The following GRAMD4 variants were observed in gnomAD, a reference collection of about 807,000 sequenced individuals.
GRAMD4 encodes the protein GRAM domain-containing protein 4.
Under a neutral mutation model 83.9 loss-of-function variants are expected in GRAMD4, and 25 were observed. That is an observed-to-expected ratio of 0.30 (90% confidence interval 0.22 to 0.42). GRAMD4 has a LOEUF of 0.42. GRAMD4 is among the 10% of genes least tolerant of loss of function. The pLI is 1.00. For missense variants in GRAMD4, 593 were observed against 788.7 expected (o/e 0.75, Z 2.97); for synonymous variants, 336 against 320.9 (o/e 1.05, Z -0.50).
intron 17 of GRAMD4, 77 bp from the exon 18 acceptor site, chr22:46,676,523 T>C: frequency 3.1e-6 from 4 of 1,307,406 alleles, no homozygotes; most frequent in Non-Finnish European, 4.3e-6. Flanking sequence ...TGGAGGAGGA[T>C]GCCCTGGGCC....
chr22:46,663,199 C>A, intron 6 of GRAMD4, 27 bp downstream of exon 6: 1 of 1,601,282 alleles, frequency 6.2e-7, no homozygotes, highest in Non-Finnish European at 8.5e-7. Flanking sequence ...CTGGGGCTGC[C>A]TGTGCGTTAG....
chr22:46,636,419 C>T (rs1342752091), intron 2 of GRAMD4, among the ~76,000 whole-genome samples: 1 of 152,240 alleles, frequency 6.6e-6, no homozygotes, highest in Non-Finnish European at 1.5e-5. Context: ...GCGAGAGCAG[C>T]TGAAAGTGTG....
At chr22:46,646,052 G>C (rs894900280) in intron 3 of GRAMD4, among the ~76,000 whole-genome samples, 1 of 152,180 alleles carries the variant, frequency 6.6e-6, no homozygotes, top group Non-Finnish European at 1.5e-5. Context: ...GGGGCTTCCC[G>C]GTTGCTAGGC....
At chr22:46,617,496 T>C (rs1470329283), upstream of GRAMD4, among the ~76,000 whole-genome samples, 13 of 139,198 alleles carry the variant, frequency 9.3e-5, no homozygotes, top group East Asian at 6.7e-4. Context: ...CGTGTAGGTT[T>C]CCCCGTGTGT....
chr22:46,682,253 C>T (rs1397274845), downstream of GRAMD4, among the ~76,000 whole-genome samples: 2 of 152,222 alleles, frequency 1.3e-5, no homozygotes, highest in African/African-American at 2.4e-5. Flanking sequence ...AGGAGCTGGC[C>T]CATGCCCCTG....
chr22:46,585,850 C>T (rs1225903635), intron 1 of GRAMD4, among the ~76,000 whole-genome samples: 1 of 152,208 alleles, frequency 6.6e-6, no homozygotes, highest in Non-Finnish European at 1.5e-5. Flanking sequence ...AGACCGGCCT[C>T]TCAGGTCAGC....
intron 1 of GRAMD4, among the ~76,000 whole-genome samples, chr22:46,585,685 A>G (rs1323476750): frequency 1.3e-5 from 2 of 152,138 alleles, no homozygotes; most frequent in Admixed American, 1.3e-4. Flanking sequence ...CACATGGTGG[A>G]AGGGAGCTTG....
chr22:46,669,014 C>T (rs2082457792), intron 13 of GRAMD4, 106 bp downstream of exon 13: 2 of 675,652 alleles, frequency 3.0e-6, no homozygotes, highest in Non-Finnish European at 5.3e-6. Flanking sequence ...ACTCACCTGG[C>T]GATCCTTCCT....
chr22:46,636,024 A>C (rs1314887115), intron 2 of GRAMD4, among the ~76,000 whole-genome samples: 1 of 151,950 alleles, frequency 6.6e-6, no homozygotes, highest in Non-Finnish European at 1.5e-5. Context: ...TCTATGTCAG[A>C]GCCACCTTCA....
rs951640723 is a variant in GRAMD4 at position 46,621,176 on chromosome 22, G to T, written c.-50+611G>T. Among the ~76,000 whole-genome samples, 2 of 152,164 alleles carry T rather than the reference G, an allele frequency of 1.3e-5. No individual in the cohort carries two copies. On this transcript the variant is annotated intron_variant, in intron 1 of 18. Coordinates refer to ENST00000406902, the MANE Select transcript of GRAMD4 (RefSeq NM_015124.5). The surrounding 1 kb of genome is among the most constrained non-coding windows in gnomAD (Gnocchi z 5.8). ...GCAGGACGGAAGGTGCAGGTGAGACGCAGGTGGGCGGTGTCGGGAGACCCG... is the reference window on the plus strand; with the variant it reads ...GCAGGACGGAAGGTGCAGGTGAGACTCAGGTGGGCGGTGTCGGGAGACCCG...
intron 3 of GRAMD4, among the ~76,000 whole-genome samples, chr22:46,639,480 G>A (rs4823868): frequency 0.024 from 3,675 of 151,322 alleles, 112 homozygotes; most frequent in African/African-American, 0.059. Context: ...GCACATGTGC[G>A]GCAGTGGTTA....
chr22:46,588,384 G>A (rs536427161), intron 1 of GRAMD4, among the ~76,000 whole-genome samples: 23 of 152,332 alleles, frequency 1.5e-4, no homozygotes, highest in Middle Eastern at 3.4e-3. Context: ...CAGGGAGGTG[G>A]CAGGCCTGCT....
chr22:46,660,586 A>T (rs2082312346), intron 4 of GRAMD4, among the ~76,000 whole-genome samples: 2 of 152,224 alleles, frequency 1.3e-5, no homozygotes. Flanking sequence ...TTGGTTTTTA[A>T]GAAAATTCTC....
intron 2 of GRAMD4, among the ~76,000 whole-genome samples, chr22:46,637,541 C>T (rs1412754348): frequency 6.6e-6 from 1 of 152,192 alleles, no homozygotes; most frequent in Admixed American, 6.5e-5. Flanking sequence ...GCCCAGCCTC[C>T]ATTTTTAAGA....
chr22:46,652,158 C>T (rs531909988), intron 3 of GRAMD4, among the ~76,000 whole-genome samples: 101 of 152,222 alleles, frequency 6.6e-4, no homozygotes, highest in Middle Eastern at 3.4e-3. Flanking sequence ...GTGGATGAGT[C>T]GCCGACCTTT....
downstream of GRAMD4, among the ~76,000 whole-genome samples, chr22:46,680,601 C>T (rs113131422): frequency 9.1e-5 from 11 of 120,692 alleles, no homozygotes; most frequent in Non-Finnish European, 1.2e-4. Flanking sequence ...CATCCACCCA[C>T]CCATTCATCC....
chr22:46,630,613 A>C (rs2081755797), intron 2 of GRAMD4, among the ~76,000 whole-genome samples: 1 of 152,204 alleles, frequency 6.6e-6, no homozygotes, highest in South Asian at 2.1e-4. Flanking sequence ...CGCCCCTCTC[A>C]GTGCTCCAGG....
chr22:46,619,014 C>A (rs574248813), upstream of GRAMD4, among the ~76,000 whole-genome samples: 1 of 152,318 alleles, frequency 6.6e-6, no homozygotes, highest in East Asian at 1.9e-4. Context: ...AGCCAAACAC[C>A]CGGATACGGA....
At chr22:46,585,047 C>G (rs2081135488) in intron 1 of GRAMD4, among the ~76,000 whole-genome samples, 1 of 152,196 alleles carries the variant, frequency 6.6e-6, no homozygotes, top group Non-Finnish European at 1.5e-5. Flanking sequence ...TGTTAAGCAT[C>G]TTTCATTCAG....
Sources: gnomAD v4.1 joint callset for allele counts (sites outside exome capture counted in the v4.1 genomes callset) on GRCh38, gnomAD v4.1.1 for gene constraint, Gnocchi (gnomAD v3.1) non-coding constraint, MANE v1.5 for transcripts, NCBI Gene and HGNC (gene_info 2026-07-23, HGNC 2026-07-21) for gene names.